Variants in PDZD2 observed in about 807,000 individuals in gnomAD.
The protein encoded by PDZD2 is PDZ domain containing 2, also known as PDZ domain-containing protein 2.
In PDZD2, 90 loss-of-function variants were observed where a neutral mutation model predicts 220.7. The observed-to-expected ratio is 0.41, with a 90% confidence interval of 0.34 to 0.49. The LOEUF (loss-of-function observed/expected upper bound fraction) is 0.49, where lower values mean the gene tolerates loss of function less well. Ranked by LOEUF, PDZD2 falls within the 20% of genes least tolerant of loss-of-function variation. The probability of loss-of-function intolerance (pLI) is 0.28; values close to 1 mark genes in which losing one functional copy is unlikely to be tolerated. For missense variants in PDZD2, 3,174 were observed against 3,608.5 expected (o/e 0.88, Z 3.08); for synonymous variants, 1,375 against 1,450.5 (o/e 0.95, Z 1.18).
intron 1 of PDZD2, among the ~76,000 whole-genome samples, chr5:31,684,297 T>C (rs911345458): frequency 6.6e-6 from 1 of 152,182 alleles, no homozygotes; most frequent in Admixed American, 6.5e-5. Flanking sequence ...TCTTTCTTGA[T>C]TGATGGTGCC....
chr5:31,725,509 A>G, intron 1 of PDZD2: 1 of 1,289,240 alleles, frequency 7.8e-7, no homozygotes, highest in South Asian at 1.7e-5. Flanking sequence ...CATGTCTAAA[A>G]ATGATCATGG....
chr5:31,973,994 GTTT>G (rs1430082173), intron 2 of PDZD2, among the ~76,000 whole-genome samples: 5 of 152,138 alleles, frequency 3.3e-5, no homozygotes, highest in African/African-American at 1.2e-4. Flanking sequence ...GTTTCATTTT[GTTT>G]TGAGACAGAG....
chr5:31,989,105 A>G (rs754039803), intron 3 of PDZD2, among the ~76,000 whole-genome samples: 1 of 152,164 alleles, frequency 6.6e-6, no homozygotes, highest in Non-Finnish European at 1.5e-5. Context: ...TTCAACACAT[A>G]TATTACGTAG....
intron 1 of PDZD2, among the ~76,000 whole-genome samples, chr5:31,790,388 G>A (rs375415298): frequency 6.8e-4 from 104 of 152,294 alleles, no homozygotes; most frequent in South Asian, 2.1e-3. Context: ...GTGAGCCACC[G>A]CTCCTGGCCC....
At chr5:32,062,684 G>A (rs1440883876) in intron 14 of PDZD2, among the ~76,000 whole-genome samples, 1 of 152,164 alleles carries the variant, frequency 6.6e-6, no homozygotes, top group African/African-American at 2.4e-5. Flanking sequence ...ACGAGCCACC[G>A]TGCCCGGCCA....
intron 2 of PDZD2, among the ~76,000 whole-genome samples, chr5:31,969,358 A>G (rs1749057452): frequency 6.6e-6 from 1 of 151,728 alleles, no homozygotes; most frequent in South Asian, 2.1e-4. Context: ...AATACAAAAA[A>G]TTAGCTATTG....
At chr5:31,777,068 G>A (rs1752705436) in intron 1 of PDZD2, among the ~76,000 whole-genome samples, 1 of 152,186 alleles carries the variant, frequency 6.6e-6, no homozygotes, top group Non-Finnish European at 1.5e-5. Context: ...GCCGAGCCTG[G>A]AGCCGGCTCC....
At chr5:31,779,192 G>A (rs1008006511) in intron 1 of PDZD2, among the ~76,000 whole-genome samples, 3 of 151,778 alleles carry the variant, frequency 2.0e-5, no homozygotes, top group Admixed American at 6.6e-5. Context: ...CCTGCACTGC[G>A]CACACCCTCC....
intron 1 of PDZD2, among the ~76,000 whole-genome samples, chr5:31,671,439 T>C (rs1390854059): frequency 6.6e-6 from 1 of 152,214 alleles, no homozygotes; most frequent in African/African-American, 2.4e-5. Context: ...TCCTGTGCAA[T>C]GTCATGTCAG....
intron 2 of PDZD2, among the ~76,000 whole-genome samples, chr5:31,978,734 C>A (rs1271412127): frequency 1.7e-5 from 2 of 119,180 alleles, no homozygotes; most frequent in Admixed American, 1.6e-4. Context: ...AAAAAGAATT[C>A]TAAGAAAATA....
At chr5:31,743,269 G>C (rs1038776788) in intron 1 of PDZD2, among the ~76,000 whole-genome samples, 1 of 151,852 alleles carries the variant, frequency 6.6e-6, no homozygotes. Context: ...AACCTTCCCG[G>C]GCTCAGGTGA....
chr5:32,072,127 T>G, intron 16 of PDZD2, 34 bp from the exon 17 acceptor site: 1 of 1,527,248 alleles, frequency 6.5e-7, no homozygotes, highest in Non-Finnish European at 9.0e-7. Context: ...TCTGCTGTGT[T>G]TTCTTAGTTA....
At chr5:32,007,854 C>T (rs768397618) in intron 5 of PDZD2, among the ~76,000 whole-genome samples, 2 of 152,282 alleles carry the variant, frequency 1.3e-5, no homozygotes, top group South Asian at 2.1e-4. Flanking sequence ...GGCATTTCCC[C>T]GGAGGGCTCT....
At chr5:31,676,096 T>C (rs1746402361) in intron 1 of PDZD2, among the ~76,000 whole-genome samples, 1 of 152,250 alleles carries the variant, frequency 6.6e-6, no homozygotes, top group Admixed American at 6.5e-5. Context: ...GCCTATTTTA[T>C]ACTCTTAAGT....
chr5:31,799,748 G>A (rs760853553), intron 2 of PDZD2, 24 bp downstream of exon 2: 8 of 1,510,958 alleles, frequency 5.3e-6, no homozygotes, highest in Non-Finnish European at 7.4e-6. Context: ...ATGCCTGCTG[G>A]CACAGGGGCT....
At chr5:31,769,681 C>T (rs1476350394) in intron 1 of PDZD2, among the ~76,000 whole-genome samples, 1 of 152,170 alleles carries the variant, frequency 6.6e-6, no homozygotes, top group Admixed American at 6.5e-5. Flanking sequence ...ATTTTTAATG[C>T]AAAATGCAGA....
intron 2 of PDZD2, among the ~76,000 whole-genome samples, chr5:31,931,372 G>A (rs1745282878): frequency 6.6e-6 from 1 of 152,154 alleles, no homozygotes; most frequent in Admixed American, 6.5e-5. Context: ...TGGCCAGACT[G>A]GTTTCGAACT....
rs1745294492 is a variant in PDZD2, at chr5:32,110,563, TC to T, written c.*2429del. The T allele has an allele frequency of 6.6e-6, 1 of 152,640 alleles. No individual in the cohort carries two copies. The highest frequency in any genetic ancestry group is 2.1e-4 in the South Asian group (1 of 4,834). The allele number at this position is 152,640 out of a possible 1,614,324, so 9.5% of individuals were successfully genotyped here. On this transcript the variant is annotated 3_prime_UTR_variant, in exon 25 of 25. Coordinates refer to ENST00000438447, the MANE Select transcript of PDZD2 (RefSeq NM_178140.4). ...TTGTCCTACTAAAACTGTCATTGTT[TC>T]TTTTTTTTTAACTGGTCAGTCATTC...
intron 2 of PDZD2, among the ~76,000 whole-genome samples, chr5:31,938,111 T>C (rs6893671): frequency 0.95 from 145,453 of 152,308 alleles, 69,504 homozygotes; most frequent in African/African-American, 0.99. Flanking sequence ...AGAGTTTCAC[T>C]CTGTTGGCCA....
Sources: allele counts gnomAD v4.1 joint callset (sites outside exome capture counted in the v4.1 genomes callset), GRCh38; gene constraint gnomAD v4.1.1; transcripts MANE v1.5; gene names NCBI Gene and HGNC (gene_info 2026-07-23, HGNC 2026-07-21).